GGH: variants seen among roughly 807,000 people sequenced by gnomAD.
GGH encodes the protein gamma-glutamyl hydrolase.
GGH carries 18 observed loss-of-function variants against 39.2 expected under a neutral mutation model. The ratio of observed to expected loss-of-function variants is 0.46; its 90% CI spans 0.32 to 0.68. GGH has a LOEUF of 0.68. Among genes scored for constraint, GGH ranks in the 30% least tolerant of loss-of-function variants. The probability of loss-of-function intolerance (pLI) is 0.04; values close to 1 mark genes in which losing one functional copy is unlikely to be tolerated. For synonymous variants in GGH, 147 were observed against 138.8 expected, an observed-to-expected ratio of 1.06 and a Z score of -0.42; for missense variants, 367 against 384.1, an observed-to-expected ratio of 0.96 and a Z score of 0.37.
chr8:63,038,755 C>A lies in GGH; in HGVS notation c.14G>T (p.Gly5Val). 1 of 1,562,558 alleles carries A rather than the reference C, an allele frequency of 6.4e-7. No homozygotes were observed. The highest frequency in any genetic ancestry group is 1.2e-5 in the South Asian group (1 of 85,068). MASP[G>V]CLLCVLGLLL... ...CAGGCCCAGCACGCACAGCAGGCAG[C>A]CCGGACTGGCCATGGCGCTCGCCGC... is the stretch of plus-strand genomic sequence containing the variant. Residue 5 changes from glycine (G) to valine (V), a missense_variant, in exon 1 of 9, where the codon GGC (glycine) becomes GTC (valine). Transcript: ENST00000260118.
At chr8:63,027,015 A>C (rs1304326348) in intron 4 of GGH, 166 bp downstream of exon 4, 1 of 628,856 alleles carries the variant, frequency 1.6e-6, no homozygotes. Flanking sequence ...GATGAAGCAC[A>C]TGGAAAATAG....
chr8:63,036,715 C>A (rs917722351), intron 1 of GGH, among the ~76,000 whole-genome samples: 1 of 152,090 alleles, frequency 6.6e-6, no homozygotes, highest in African/African-American at 2.4e-5. Context: ...AAAGAGCAAT[C>A]CAGGACAAAG....
intron 7 of GGH, among the ~76,000 whole-genome samples, chr8:63,020,666 C>T (rs1804569019): frequency 6.6e-6 from 1 of 152,084 alleles, no homozygotes; most frequent in African/African-American, 2.4e-5. Context: ...GAGGAAAGCA[C>T]ATGAGAAGCA....
Position 63,015,451 on chromosome 8 carries a change from G to T in GGH, c.838C>A (p.Arg280=). 1 of 1,534,262 alleles carries T rather than the reference G, an allele frequency of 6.5e-7. No homozygotes were observed. Among genetic ancestry groups the T allele is most frequent in the South Asian group, 1.2e-5 (1 of 82,154 alleles). The stretch of plus-strand genomic sequence containing the variant: ...GATTTAAAATGATGGTTGTTTTTCC[G>T]AGCTGCAAGAAAAAAAGTTAATTTT... The part of the protein sequence containing the change: ...YLAEFFVNEA[R]KNNHHFKSES... Residue 280 remains arginine (R), a splice_region_variant and synonymous_variant, in exon 9 of 9, where the codon CGG becomes AGG. Coordinates refer to ENST00000260118, the MANE Select transcript of GGH (RefSeq NM_003878.3).
intron 2 of GGH, among the ~76,000 whole-genome samples, chr8:63,035,185 C>T (rs1185781545): frequency 6.6e-6 from 1 of 152,088 alleles, no homozygotes; most frequent in South Asian, 2.1e-4. Context: ...ACACAGCTTC[C>T]CACATTAAAC....
chr8:63,021,883 AGGCT>A (rs1009782390), intron 7 of GGH, among the ~76,000 whole-genome samples: 2 of 152,048 alleles, frequency 1.3e-5, no homozygotes, highest in Non-Finnish European at 2.9e-5. Flanking sequence ...CATGTTGGCC[AGGCT>A]GGTCTCAAAC....
chr8:63,027,040 G>T, intron 4 of GGH, 141 bp downstream of exon 4: 1 of 667,588 alleles, frequency 1.5e-6, no homozygotes, highest in Non-Finnish European at 2.7e-6. Context: ...GAGCAGCCAA[G>T]AACAGGCACC....
rs1585668454 is a variant in GGH, at chr8:63,024,063, T to C, written c.606+17A>G. On this transcript the variant is annotated intron_variant, in intron 6 of 8. Transcript: ENST00000260118. ...TATTCTAAACATATTAATTTCATTGTGTAATTAGTGTGATACCTTCACGGA... is the reference window on the plus strand; with the variant it reads ...TATTCTAAACATATTAATTTCATTGCGTAATTAGTGTGATACCTTCACGGA... 4 of 1,555,610 alleles carry C rather than the reference T, an allele frequency of 2.6e-6. No homozygotes were observed. In the East Asian group the frequency reaches 6.7e-5, roughly 26 times the overall value.
At chr8:63,018,552 T>G (rs1256722661) in intron 7 of GGH, among the ~76,000 whole-genome samples, 2 of 152,188 alleles carry the variant, frequency 1.3e-5, no homozygotes, top group Non-Finnish European at 2.9e-5. Flanking sequence ...GGGAAACATT[T>G]TATCCCAGTT....
At chr8:63,036,486 C>G (rs1352838822) in intron 1 of GGH, among the ~76,000 whole-genome samples, 1 of 152,014 alleles carries the variant, frequency 6.6e-6, no homozygotes, top group Admixed American at 6.6e-5. Context: ...GGAAAGAGGA[C>G]AAACAATAAA....
chr8:63,019,868 T>C (rs1311590397), intron 7 of GGH, among the ~76,000 whole-genome samples: 1 of 152,206 alleles, frequency 6.6e-6, no homozygotes, highest in East Asian at 1.9e-4. Flanking sequence ...TCTTGTTTCC[T>C]AATCTTAAAA....
At chr8:63,037,570 A>G (rs1352505173) in intron 1 of GGH, among the ~76,000 whole-genome samples, 1 of 152,208 alleles carries the variant, frequency 6.6e-6, no homozygotes, top group Non-Finnish European at 1.5e-5. Flanking sequence ...CACTTCCCAG[A>G]GCAAGATTGT....
chr8:63,037,121 C>G (rs1804924691), intron 1 of GGH, among the ~76,000 whole-genome samples: 1 of 152,198 alleles, frequency 6.6e-6, no homozygotes, highest in Non-Finnish European at 1.5e-5. Context: ...CTGTATTACT[C>G]ACTTTTGTAT....
intron 2 of GGH, among the ~76,000 whole-genome samples, chr8:63,033,360 C>T (rs376221799): frequency 3.3e-5 from 5 of 152,154 alleles, no homozygotes; most frequent in Admixed American, 6.5e-5. Context: ...TAGAATTCAC[C>T]AGTGAAGCCA....
At chr8:63,030,749 T>C (rs1441349342) in intron 2 of GGH, among the ~76,000 whole-genome samples, 2 of 152,136 alleles carry the variant, frequency 1.3e-5, no homozygotes, top group African/African-American at 4.8e-5. Context: ...ACATCTAGTC[T>C]GAACTGAGGA....
intron 3 of GGH, chr8:63,028,004 G>A (rs949355349): frequency 2.0e-5 from 3 of 152,072 alleles, no homozygotes; most frequent in African/African-American, 7.2e-5. Flanking sequence ...ATATTCAAAA[G>A]AGGTAAGAAA....
intron 2 of GGH, among the ~76,000 whole-genome samples, chr8:63,032,126 T>A (rs974546819): frequency 2.6e-5 from 4 of 152,152 alleles, no homozygotes; most frequent in African/African-American, 9.7e-5. Context: ...CTCCACCTCC[T>A]GGGCTCAAGT....
chr8:63,021,759 C>T (rs779710679), intron 7 of GGH, among the ~76,000 whole-genome samples: 10 of 147,172 alleles, frequency 6.8e-5, no homozygotes, highest in South Asian at 2.2e-4. Context: ...CTGAAACCTC[C>T]GCCCACTAGG....
chr8:63,020,490 A>G (rs1804566554), intron 7 of GGH, among the ~76,000 whole-genome samples: 1 of 152,230 alleles, frequency 6.6e-6, no homozygotes, highest in Admixed American at 6.5e-5. Flanking sequence ...AAGAGCAAAT[A>G]CATGCATTAA....
Sources: gnomAD v4.1 joint callset for allele counts (sites outside exome capture counted in the v4.1 genomes callset) on GRCh38, gnomAD v4.1.1 for gene constraint, MANE v1.5 for transcripts, NCBI Gene and HGNC (gene_info 2026-07-23, HGNC 2026-07-21) for gene names.